Variants in PDE4D observed in about 807,000 individuals in gnomAD.
PDE4D encodes phosphodiesterase 4D.
PDE4D carries 24 observed loss-of-function variants against 87.4 expected under a neutral mutation model. That is an observed-to-expected ratio of 0.27 (90% CI 0.20 to 0.39). The LOEUF (loss-of-function observed/expected upper bound fraction) is 0.39, where lower values mean the gene tolerates loss of function less well. PDE4D is among the 10% of genes least tolerant of loss of function. The pLI, the probability that PDE4D is intolerant of heterozygous loss-of-function variation, is 1.00. For synonymous variants in PDE4D, 384 were observed against 383.2 expected, an observed-to-expected ratio of 1.00 and a Z score of -0.02; for missense variants, 714 against 1,041.0, an observed-to-expected ratio of 0.69 and a Z score of 4.32.
intron 3 of PDE4D, among the ~76,000 whole-genome samples, chr5:59,974,915 T>G (rs1761146956): frequency 6.6e-6 from 1 of 152,118 alleles, no homozygotes; most frequent in Non-Finnish European, 1.5e-5. Flanking sequence ...CACCAAAAAG[T>G]CATCCCAGAT....
chr5:59,315,591 A>G (rs193046923), intron 1 of PDE4D, among the ~76,000 whole-genome samples: 1 of 152,262 alleles, frequency 6.6e-6, no homozygotes, highest in Admixed American at 6.5e-5. Context: ...CAGGAATGAT[A>G]GATGGTCATG....
intron 3 of PDE4D, among the ~76,000 whole-genome samples, chr5:59,906,963 A>G (rs1477231614): frequency 6.6e-6 from 1 of 152,204 alleles, no homozygotes; most frequent in Non-Finnish European, 1.5e-5. Flanking sequence ...ACAATAGCAA[A>G]GAGATGGAAT....
At chr5:59,672,730 G>GA (rs1377382281) in intron 1 of PDE4D, among the ~76,000 whole-genome samples, 2 of 152,096 alleles carry the variant, frequency 1.3e-5, no homozygotes, top group East Asian at 3.9e-4. Context: ...TCACCATATA[G>GA]AAAAAATGAT....
intron 6 of PDE4D, among the ~76,000 whole-genome samples, chr5:59,010,197 C>T (rs1013739420): frequency 2.0e-5 from 3 of 151,964 alleles, no homozygotes; most frequent in African/African-American, 7.3e-5. Context: ...TGTGGTGGTG[C>T]ACTCATGTAA....
chr5:59,998,801 C>A (rs955899450), intron 2 of PDE4D, among the ~76,000 whole-genome samples: 2 of 151,912 alleles, frequency 1.3e-5, no homozygotes, highest in African/African-American at 4.8e-5. Context: ...TGGAAAAATA[C>A]AAAATTCCCT....
chr5:59,067,035 G>GTTTATTT (rs1175235406), intron 5 of PDE4D, among the ~76,000 whole-genome samples: 36 of 116,842 alleles, frequency 3.1e-4, no homozygotes, highest in African/African-American at 5.2e-4. Flanking sequence ...TTTATTTAGA[G>GTTTATTT]AGAGAGTTTT....
chr5:60,485,235 C>T (rs1331058457), intron 1 of PDE4D, among the ~76,000 whole-genome samples: 1 of 152,082 alleles, frequency 6.6e-6, no homozygotes, highest in Non-Finnish European at 1.5e-5. Context: ...TTTTGTTCTG[C>T]TTTTTTAAAA....
chr5:59,377,433 AT>A (rs201617181), intron 1 of PDE4D, among the ~76,000 whole-genome samples: 18,086 of 141,278 alleles, frequency 0.13, 1,073 homozygotes, highest in East Asian at 0.2. Flanking sequence ...AAAAAAAAAA[AT>A]ATGTCATGAC....
chr5:59,184,050 T>C (rs1742324370), intron 4 of PDE4D, among the ~76,000 whole-genome samples: 1 of 152,170 alleles, frequency 6.6e-6, no homozygotes, highest in Admixed American at 6.6e-5. Context: ...TGTGTGTCTA[T>C]GTTGGGTATC....
At chr5:60,322,411 C>CAAAA (rs1323554428) in intron 1 of PDE4D, among the ~76,000 whole-genome samples, 7 of 134,422 alleles carry the variant, frequency 5.2e-5, no homozygotes, top group African/African-American at 2.0e-4. Context: ...CACACACACA[C>CAAAA]ACACAAAACC....
rs939899536 is a variant in PDE4D, at chr5:59,932,074, C to T, written c.272+56414G>A. ...GCCATGGCACATATGCCTTTCTGATCCTGCCATACACTCTAAACAGCATTA... is the reference window on the plus strand; with the variant it reads ...GCCATGGCACATATGCCTTTCTGATTCTGCCATACACTCTAAACAGCATTA... On this transcript the variant is annotated intron_variant, in intron 3 of 16. Transcript: ENST00000502484. 3.9e-5 allele frequency among the ~76,000 whole-genome samples: 6 copies of T among 152,150 alleles called. No homozygotes were observed. In the East Asian group the frequency reaches 9.6e-4, roughly 24 times the overall value.
At chr5:59,952,551 G>C (rs984372806) in intron 3 of PDE4D, among the ~76,000 whole-genome samples, 2 of 152,144 alleles carry the variant, frequency 1.3e-5, no homozygotes, top group African/African-American at 4.8e-5. Flanking sequence ...TCTATGAGTT[G>C]GATTTACGTT....
At chr5:60,423,547 G>A (rs1743337316) in intron 1 of PDE4D, among the ~76,000 whole-genome samples, 1 of 152,116 alleles carries the variant, frequency 6.6e-6, no homozygotes, top group African/African-American at 2.4e-5. Flanking sequence ...TTAAAGCACT[G>A]TGTAGAGGGA....
chr5:60,051,109 A>G (rs1317902037), intron 2 of PDE4D, among the ~76,000 whole-genome samples: 1 of 152,142 alleles, frequency 6.6e-6, no homozygotes, highest in East Asian at 1.9e-4. Flanking sequence ...TTAACACCCC[A>G]CTGTCAATAT....
intron 1 of PDE4D, among the ~76,000 whole-genome samples, chr5:60,271,094 A>T (rs929434974): frequency 6.6e-6 from 1 of 152,138 alleles, no homozygotes; most frequent in Non-Finnish European, 1.5e-5. Context: ...AAGCTATTAC[A>T]TATGTATTTA....
intron 1 of PDE4D, among the ~76,000 whole-genome samples, chr5:59,350,421 C>T (rs552299225): frequency 6.6e-6 from 1 of 152,150 alleles, no homozygotes; most frequent in Admixed American, 6.6e-5. Flanking sequence ...CTTTCAAGGT[C>T]TTCAAGCTCT....
intron 1 of PDE4D, among the ~76,000 whole-genome samples, chr5:60,469,045 A>G (rs934812436): frequency 2.6e-5 from 4 of 151,904 alleles, no homozygotes; most frequent in Non-Finnish European, 5.9e-5. Context: ...CCTTCCTTTT[A>G]TTGCCAATCT....
intron 1 of PDE4D, among the ~76,000 whole-genome samples, chr5:60,283,252 C>A (rs987806097): frequency 6.6e-6 from 1 of 151,958 alleles, no homozygotes; most frequent in Non-Finnish European, 1.5e-5. Context: ...GAAGTATTGC[C>A]CATCTTTTGT....
chr5:60,232,411 G>A (rs1411009117), intron 1 of PDE4D, among the ~76,000 whole-genome samples: 1 of 151,828 alleles, frequency 6.6e-6, no homozygotes, highest in Non-Finnish European at 1.5e-5. Flanking sequence ...TCTCTGGTCA[G>A]TTCTTCTTGG....
Sources: allele counts gnomAD v4.1 joint callset (sites outside exome capture counted in the v4.1 genomes callset), GRCh38; gene constraint gnomAD v4.1.1; transcripts MANE v1.5; gene names NCBI Gene and HGNC (gene_info 2026-07-23, HGNC 2026-07-21).